FBRSL1: variants seen among roughly 807,000 people sequenced by gnomAD.
FBRSL1 encodes the protein fibrosin-1-like protein.
A neutral mutation model predicts 89.6 loss-of-function variants in FBRSL1; 51 were observed. The ratio of observed to expected loss-of-function variants is 0.57; its 90% confidence interval spans 0.45 to 0.72. FBRSL1 has a LOEUF of 0.72. FBRSL1 is among the 30% of genes least tolerant of loss of function. FBRSL1 has a pLI of 0.00. For synonymous variants in FBRSL1, 779 were observed against 681.1 expected (o/e 1.14, Z -2.24); for missense variants, 1,618 against 1,451.8 (o/e 1.11, Z -1.86).
At chr12:132,566,870 G>A (rs898005368) in intron 5 of FBRSL1, among the ~76,000 whole-genome samples, 2 of 151,822 alleles carry the variant, frequency 1.3e-5, no homozygotes, top group African/African-American at 2.4e-5. Context: ...GAGCTCGGCC[G>A]ACCCCAGGCA....
At position 132,582,067 on chromosome 12, in the gene FBRSL1, G is replaced by A. The variant is rs1361638694; in HGVS notation, c.2002G>A (p.Gly668Ser). 5 of 1,546,244 alleles carry A rather than the reference G, an allele frequency of 3.2e-6. No homozygotes were observed. Among genetic ancestry groups the A allele is most frequent in the Middle Eastern group, 1.7e-4 (1 of 5,744 alleles). Residue 668 changes from glycine to serine, a missense_variant, in exon 18 of 19, where the codon GGT becomes AGT. Coordinates refer to ENST00000680143, the MANE Select transcript of FBRSL1 (RefSeq NM_001367871.1). The part of the protein sequence containing the change: ...GGLGSHALAP[G>S]GSIFAPKEGS... The stretch of plus-strand genomic sequence containing the variant: ...TCCCCGGCCTCTGCCCCCAGCTCCC[G>A]GTGGCAGCATCTTTGCCCCCAAGGA...
chr12:132,561,499 G>A (rs1053286253), intron 5 of FBRSL1, among the ~76,000 whole-genome samples: 1 of 152,226 alleles, frequency 6.6e-6, no homozygotes, highest in African/African-American at 2.4e-5. Flanking sequence ...CCGGCTTTGG[G>A]GGCTGTGCTT....
intron 3 of FBRSL1, among the ~76,000 whole-genome samples, chr12:132,527,438 C>T (rs990742869): frequency 6.6e-5 from 10 of 152,206 alleles, no homozygotes; most frequent in African/African-American, 2.2e-4. Flanking sequence ...CTCAGGAGGA[C>T]GACAGCCCCT....
At chr12:132,543,975 GGAACC>G (rs2037474789) in intron 4 of FBRSL1, among the ~76,000 whole-genome samples, 2 of 152,160 alleles carry the variant, frequency 1.3e-5, no homozygotes, top group African/African-American at 4.8e-5. Flanking sequence ...TGAGTGGTCT[GGAACC>G]CCTGTCGGGT....
At chr12:132,498,760 G>A (rs1043882879) in intron 1 of FBRSL1, among the ~76,000 whole-genome samples, 1 of 152,246 alleles carries the variant, frequency 6.6e-6, no homozygotes, top group African/African-American at 2.4e-5. Flanking sequence ...ACCTATTCTA[G>A]GGGAGGGAGG....
At chr12:132,514,590 G>A (rs1244934822) in intron 2 of FBRSL1, among the ~76,000 whole-genome samples, 1 of 152,196 alleles carries the variant, frequency 6.6e-6, no homozygotes, top group Non-Finnish European at 1.5e-5. Context: ...GCTGTGGGGG[G>A]ACTCCGAGGA....
At chr12:132,529,024 T>G (rs1304933804) in intron 4 of FBRSL1, among the ~76,000 whole-genome samples, 1 of 152,216 alleles carries the variant, frequency 6.6e-6, no homozygotes, top group Non-Finnish European at 1.5e-5. Flanking sequence ...TGTTTCATTT[T>G]CCCTTAAGTA....
In FBRSL1 at chr12:132,583,286, C is replaced by T; in HGVS notation, c.2517C>T (p.Gly839=). ...GGLHPAPLQL[G]LGRERLGAPG... is the part of the protein sequence containing the mutation. ...TGCACCCCGCGCCCCTGCAGCTCGG[C>T]CTGGGCCGCGAGCGCCTGGGCGCGC... is the stretch of plus-strand genomic sequence containing the variant. Residue 839 remains glycine (G), a synonymous_variant, in exon 19 of 19, where the codon GGC becomes GGT. Coordinates refer to ENST00000680143, the MANE Select transcript of FBRSL1 (RefSeq NM_001367871.1). 3 of 1,151,426 alleles carry T rather than the reference C, an allele frequency of 2.6e-6. No homozygotes were observed. The highest frequency in any genetic ancestry group is 1.6e-5 in the African/African-American group (1 of 61,350). 71.3% of individuals were successfully genotyped at this position (1,151,426 alleles called of 1,614,324 possible). A position where few individuals can be genotyped will look rare whatever the true frequency, so the allele number is the denominator to read the frequency against.
At chr12:132,509,482 G>A (rs554590384) in intron 2 of FBRSL1, 17 of 1,239,524 alleles carry the variant, frequency 1.4e-5, no homozygotes, top group East Asian at 1.3e-4. Flanking sequence ...CAGCCCCAGC[G>A]GTCACGCCCG....
intron 3 of FBRSL1, among the ~76,000 whole-genome samples, chr12:132,526,369 T>C (rs961529134): frequency 6.6e-6 from 1 of 152,238 alleles, no homozygotes; most frequent in African/African-American, 2.4e-5. Context: ...GGGAATTACC[T>C]GGGACTGCCG....
At chr12:132,578,726 C>G (rs75471611) in intron 15 of FBRSL1, among the ~76,000 whole-genome samples, 107,324 of 151,822 alleles carry the variant, frequency 0.71, 38,093 homozygotes, top group East Asian at 0.84. Context: ...GCTGCAGCCC[C>G]CCCTCACTCT....
chr12:132,490,532 G>T lies in FBRSL1; in HGVS notation c.-39G>T. 1 of 979,036 alleles carries T rather than the reference G, an allele frequency of 1.0e-6. No homozygotes were observed. The highest frequency in any genetic ancestry group is 1.2e-6 in the Non-Finnish European group (1 of 826,760). 60.6% of individuals were successfully genotyped at this position (979,036 alleles called of 1,614,324 possible). ...CCGCCTGCTGCGAGCCAGGCGCGGG[G>T]CGTCAAGGTCACCGGCCCGACGGGG... On this transcript the variant is annotated 5_prime_UTR_variant, in exon 1 of 19. Transcript: ENST00000680143.
intron 1 of FBRSL1, chr12:132,507,247 C>T: frequency 1.0e-6 from 1 of 985,572 alleles, no homozygotes; most frequent in Non-Finnish European, 1.2e-6. Flanking sequence ...CTGTTTTCCT[C>T]ACAGCTGTGC....
chr12:132,509,963 C>T (rs1593282449), intron 2 of FBRSL1: 3 of 1,231,222 alleles, frequency 2.4e-6, no homozygotes, highest in East Asian at 6.3e-5. Flanking sequence ...CCCTGCTGGG[C>T]CAGCCCAGCC....
chr12:132,506,418 G>A (rs2033689950), intron 1 of FBRSL1, among the ~76,000 whole-genome samples: 1 of 152,170 alleles, frequency 6.6e-6, no homozygotes, highest in African/African-American at 2.4e-5. Flanking sequence ...TGTGCCCCGA[G>A]GGTACCACCC....
At chr12:132,537,930 C>T (rs78410473) in intron 4 of FBRSL1, among the ~76,000 whole-genome samples, 7,056 of 152,254 alleles carry the variant, frequency 0.046, 227 homozygotes, top group Non-Finnish European at 0.073. Context: ...AGGAGCTGGC[C>T]ACACTCGTGT....
Position 132,499,549 on chromosome 12 carries a change from G to A in FBRSL1, c.292-8604G>A, listed in dbSNP as rs2032621429. Among the ~76,000 whole-genome samples, 1 of 152,220 alleles carries A rather than the reference G, an allele frequency of 6.6e-6. No homozygotes were observed. The highest frequency in any genetic ancestry group is 2.1e-4 in the South Asian group (1 of 4,828). The stretch of plus-strand genomic sequence containing the variant: ...TCGTCGAAGGCTAGGAGTCACAGAG[G>A]AGGCCACGAGGGCTTCTGGGGAAGA... On this transcript the variant is annotated intron_variant, in intron 1 of 18. Transcript: ENST00000680143. This position sits in a 1 kb window ranked among gnomAD's most constrained non-coding sequence, Gnocchi z 4.3.
At chr12:132,514,637 G>T (rs1246739656) in intron 2 of FBRSL1, among the ~76,000 whole-genome samples, 1 of 152,186 alleles carries the variant, frequency 6.6e-6, no homozygotes, top group Non-Finnish European at 1.5e-5. Context: ...TCCCGGCCAT[G>T]GTGCAGGGAT....
Position 132,583,369 on chromosome 12 carries a change from C to A in FBRSL1, c.2600C>A (p.Ala867Asp). 2 of 1,109,628 alleles carry A rather than the reference C, an allele frequency of 1.8e-6. No individual in the cohort carries two copies. The highest frequency in any genetic ancestry group is 1.1e-6 in the Non-Finnish European group (1 of 908,164). The allele number at this position is 1,109,628 out of a possible 1,614,324, so 68.7% of individuals were successfully genotyped here. Residue 867 changes from alanine to aspartate, a missense_variant, in exon 19 of 19, where the codon GCT becomes GAT. Physicochemically the swap from Ala to Asp is moderately radical, Grantham distance 126 (BLOSUM62 -2). Transcript: ENST00000680143. The stretch of plus-strand genomic sequence containing the variant: ...GAGCTGCCACGTCGCGCCTTCCCCG[C>A]TGCCGCCCCCGCCCCGGGCTCCGCC... ...GLELPRRAFPAAAPAPGSAAL... is the reference protein window; with the variant it reads ...GLELPRRAFPDAAPAPGSAAL...
Sources: allele counts gnomAD v4.1 joint callset (sites outside exome capture counted in the v4.1 genomes callset), GRCh38; gene constraint gnomAD v4.1.1; non-coding constraint Gnocchi (gnomAD v3.1); transcripts MANE v1.5; gene names NCBI Gene and HGNC (gene_info 2026-07-23, HGNC 2026-07-21).